The following CLDN15 variants were observed in gnomAD, a reference collection of about 807,000 sequenced individuals.
CLDN15 encodes the protein claudin 15, also known as claudin-15.
In CLDN15, 9 loss-of-function variants were observed where a neutral mutation model predicts 24.5. That is an observed-to-expected ratio of 0.37 (90% CI 0.22 to 0.64). The LOEUF is 0.64. CLDN15 is among the 30% of genes least tolerant of loss of function. The probability of loss-of-function intolerance (pLI) is 0.63; values close to 1 mark genes in which losing one functional copy is unlikely to be tolerated. For synonymous variants in CLDN15, 149 were observed against 131.4 expected, an observed-to-expected ratio of 1.13 and a Z score of -0.92; for missense variants, 248 against 305.9, an observed-to-expected ratio of 0.81 and a Z score of 1.41.
At chr7:101,235,622 G>A (rs1484577755) in intron 1 of CLDN15, among the ~76,000 whole-genome samples, 2 of 152,140 alleles carry the variant, frequency 1.3e-5, no homozygotes, top group Non-Finnish European at 1.5e-5. Flanking sequence ...TCCCGGGTGG[G>A]GCATAACTGT....
upstream of CLDN15, chr7:101,237,831 A>T: frequency 1.8e-6 from 1 of 540,960 alleles, no homozygotes. The surrounding 1 kb of genome is among the most constrained non-coding windows in gnomAD (Gnocchi z 4.0). Context: ...GCAGCTGTTG[A>T]CGAGATGGAG....
rs867185152 is a variant in CLDN15, at chr7:101,232,429, C to A, written c.668G>T (p.Gly223Val). 2 of 1,612,864 alleles carry A rather than the reference C, an allele frequency of 1.2e-6. No homozygotes were observed. The highest frequency in any genetic ancestry group is 2.7e-5 in the African/African-American group (2 of 75,032). The part of the protein sequence containing the change: ...QEGDSSFGKY[G>V]RNAYV ...GAGCTGCTACACGTAGGCGTTTCTG[C>A]CGTATTTGCCAAAGCTGCTGTCGCC... The change falls in exon 5 of 5, where the codon GGC becomes GTC. Residue 223 changes from glycine to valine, a missense_variant. Gly to Val is a moderately radical substitution (Grantham distance 109). Transcript: ENST00000308344.
Position 101,232,283 on chromosome 7 carries a change from T to G in CLDN15, c.*127A>C, listed in dbSNP as rs1442928559. 1.4e-5 allele frequency: 9 copies of G among 647,870 alleles called. No individual in the cohort carries two copies. The highest frequency in any genetic ancestry group is 2.8e-5 in the East Asian group (1 of 35,732). The allele number at this position is 647,870 out of a possible 1,614,324, so 40.1% of individuals were successfully genotyped here. ...CATGAGAGTGCAAGACACGGGGCCG[T>G]GGCCGGGGCGGGGCTACGGGAGCGG... On this transcript the variant is annotated 3_prime_UTR_variant, in exon 5 of 5. Transcript: ENST00000308344.
chr7:101,234,227 T>C, intron 2 of CLDN15, 51 bp downstream of exon 2: 1 of 1,419,296 alleles, frequency 7.0e-7, no homozygotes, highest in Non-Finnish European at 9.9e-7. Context: ...CAAAGCAGCC[T>C]GAAGTCTGCG....
In CLDN15 at chr7:101,232,419, G is replaced by C; in HGVS notation, c.678C>G (p.Ala226=). 6.2e-7 allele frequency: 1 copy of C among 1,611,598 alleles called. No homozygotes were observed. Among genetic ancestry groups the C allele is most frequent in the Non-Finnish European group, 8.5e-7 (1 of 1,178,114 alleles). Residue 226 remains alanine, a synonymous_variant, in exon 5 of 5, where the codon GCC becomes GCG. Coordinates refer to ENST00000308344, the MANE Select transcript of CLDN15 (RefSeq NM_014343.3). ...CCACGGGCCAGAGCTGCTACACGTA[G>C]GCGTTTCTGCCGTATTTGCCAAAGC... ...DSSFGKYGRN[A]YV is the part of the protein sequence containing the mutation.
Position 101,237,625 on chromosome 7 carries a change from G to T in CLDN15, c.-44C>A. The T allele has an allele frequency of 1.4e-6, 2 of 1,441,352 alleles. No homozygotes were observed. The highest frequency in any genetic ancestry group is 2.3e-5 in the East Asian group (1 of 43,800). The allele number at this position is 1,441,352 out of a possible 1,614,324, so 89.3% of individuals were successfully genotyped here. ...GGGGGGCTGGTGCCCCAGAGAGGGG[G>T]AGGGGCAGAACCCCTAGGGAACTGG... On this transcript the variant is annotated 5_prime_UTR_variant, in exon 1 of 5. Coordinates refer to ENST00000308344, the MANE Select transcript of CLDN15 (RefSeq NM_014343.3). The surrounding 1 kb of genome is among the most constrained non-coding windows in gnomAD (Gnocchi z 4.0).
chr7:101,235,855 G>A (rs1006536365), intron 1 of CLDN15, among the ~76,000 whole-genome samples: 3 of 152,112 alleles, frequency 2.0e-5, no homozygotes, highest in Admixed American at 6.6e-5. Context: ...TGGGGTGCAC[G>A]GTTGGGAGAC....
Position 101,237,778 on chromosome 7 carries a change from C to G in CLDN15, c.-197G>C. ...CCTCCCTCCTGCTCTGTGGGTCTCT[C>G]TGCTTCCTGGCAGGTCAGAGGAATG... On this transcript the variant is annotated 5_prime_UTR_variant, in exon 1 of 5. Coordinates refer to ENST00000308344, the MANE Select transcript of CLDN15 (RefSeq NM_014343.3). The surrounding 1 kb of genome is among the most constrained non-coding windows in gnomAD (Gnocchi z 4.0). 6.6e-6 allele frequency: 4 copies of G among 604,794 alleles called. No individual in the cohort carries two copies. The highest frequency in any genetic ancestry group is 8.9e-6 in the Non-Finnish European group (3 of 338,742). 37.5% of individuals were successfully genotyped at this position (604,794 alleles called of 1,614,324 possible).
intron 1 of CLDN15, 37 bp from the exon 2 acceptor site, chr7:101,234,479 C>T: frequency 6.5e-7 from 1 of 1,531,840 alleles, no homozygotes; most frequent in South Asian, 1.1e-5. Flanking sequence ...TTCCCATCTC[C>T]CCTCTGCGAC....
Position 101,232,199 on chromosome 7 carries a change from A to C in CLDN15, c.*211T>G, listed in dbSNP as rs1798511831. On this transcript the variant is annotated 3_prime_UTR_variant, in exon 5 of 5. Coordinates refer to ENST00000308344, the MANE Select transcript of CLDN15 (RefSeq NM_014343.3). ...AGAACCCAGGGTCAGAAGATGAGGG[A>C]TCCAGCCTCAGAGGGGAGATATGCG... The C allele has an allele frequency of 3.6e-6, 2 of 548,196 alleles. No individual in the cohort carries two copies. Among genetic ancestry groups the C allele is most frequent in the South Asian group, 4.8e-5 (2 of 41,960 alleles). The allele number at this position is 548,196 out of a possible 1,614,324, so 34.0% of individuals were successfully genotyped here.
intron 2 of CLDN15, 162 bp downstream of exon 2, chr7:101,234,116 T>A (rs765329586): frequency 1.3e-6 from 1 of 762,230 alleles, no homozygotes; most frequent in Non-Finnish European, 2.4e-6. Flanking sequence ...AGCCAGGAGA[T>A]CTGGGGAGTA....
In CLDN15 at chr7:101,237,410, C is replaced by T; in HGVS notation, c.172G>A (p.Gly58Ser). ...GGGAACTCCCAGCAGTTGTAGACGC[C>T]CAGGGAGTCGGTGGCACAGCTAAAC... ...LWFSCATDSL[G>S]VYNCWEFPSM... The change falls in exon 1 of 5, where the codon GGC becomes AGC. Residue 58 changes from glycine (G) to serine (S), a missense_variant. Coordinates refer to ENST00000308344, the MANE Select transcript of CLDN15 (RefSeq NM_014343.3). This position sits in a 1 kb window ranked among gnomAD's most constrained non-coding sequence, Gnocchi z 4.0. 1 of 1,613,412 alleles carries T rather than the reference C, an allele frequency of 6.2e-7. No homozygotes were observed. Among genetic ancestry groups the T allele is most frequent in the Non-Finnish European group, 8.5e-7 (1 of 1,179,762 alleles).
In CLDN15 at chr7:101,237,776, C is replaced by T; in HGVS notation, c.-195G>A. On this transcript the variant is annotated 5_prime_UTR_variant, in exon 1 of 5. Transcript: ENST00000308344. This position sits in a 1 kb window ranked among gnomAD's most constrained non-coding sequence, Gnocchi z 4.0. ...TGCCTCCCTCCTGCTCTGTGGGTCT[C>T]TCTGCTTCCTGGCAGGTCAGAGGAA... 1 of 605,502 alleles carries T rather than the reference C, an allele frequency of 1.7e-6. No individual in the cohort carries two copies. The allele number at this position is 605,502 out of a possible 1,614,324, so 37.5% of individuals were successfully genotyped here.
rs766085881 is a variant in CLDN15 at position 101,232,606 on chromosome 7, G to A, written c.579C>T (p.Ala193=). The A allele has an allele frequency of 5.6e-6, 9 of 1,593,316 alleles. No individual in the cohort carries two copies. The highest frequency in any genetic ancestry group is 1.1e-5 in the South Asian group (1 of 89,258). Residue 193 remains alanine, a splice_region_variant and synonymous_variant, in exon 4 of 5, where the codon GCC becomes GCT. Transcript: ENST00000308344. ...AGCCTGCGCCTCACCCTGCTCACCTGGCGGCTGGGTCCTCGTCAGAGCCGC... is the reference window on the plus strand; with the variant it reads ...AGCCTGCGCCTCACCCTGCTCACCTAGCGGCTGGGTCCTCGTCAGAGCCGC... ...CCCGSDEDPA[A]SARRPYQAPV...
chr7:101,234,183 A>C, intron 2 of CLDN15, 95 bp downstream of exon 2: 1 of 997,084 alleles, frequency 1.0e-6, no homozygotes. Flanking sequence ...GGTGAGCATG[A>C]GGAGTGGGAA....
chr7:101,236,261 G>C (rs538395662), intron 1 of CLDN15, among the ~76,000 whole-genome samples: 4 of 140,122 alleles, frequency 2.9e-5, no homozygotes, highest in Admixed American at 7.1e-5. Flanking sequence ...GGTTTTTTTT[G>C]GGGGGGGGGC....
Position 101,233,515 on chromosome 7 carries a change from G to A in CLDN15, c.383-601C>T, listed in dbSNP as rs191816431. On this transcript the variant is annotated intron_variant, in intron 2 of 4. Transcript: ENST00000308344. ...GCAAATTGAAAAGCAATGGCCAGAT[G>A]GCATTGTTTTTGTTTTTTGCTGAGA... Among the ~76,000 whole-genome samples, 6 of 152,306 alleles carry A rather than the reference G, an allele frequency of 3.9e-5. No individual in the cohort carries two copies. In the East Asian group the frequency reaches 7.7e-4, roughly 20 times the overall value.
chr7:101,234,766 C>T (rs537731064), intron 1 of CLDN15, among the ~76,000 whole-genome samples: 481 of 152,168 alleles, frequency 3.2e-3, no homozygotes, highest in African/African-American at 0.011. Context: ...ACAGTCCCCA[C>T]ATCCTCTCCT....
At chr7:101,235,317 C>T (rs1043009247) in intron 1 of CLDN15, among the ~76,000 whole-genome samples, 7 of 152,082 alleles carry the variant, frequency 4.6e-5, no homozygotes, top group African/African-American at 1.4e-4. Context: ...AGGACAGTGG[C>T]GCCACTACAG....
Sources: gnomAD v4.1 joint callset for allele counts (sites outside exome capture counted in the v4.1 genomes callset) on GRCh38, gnomAD v4.1.1 for gene constraint, Gnocchi (gnomAD v3.1) non-coding constraint, MANE v1.5 for transcripts, NCBI Gene and HGNC (gene_info 2026-07-23, HGNC 2026-07-21) for gene names.